The following SLX4IP variants were observed in gnomAD, a reference collection of about 807,000 sequenced individuals.
The protein encoded by SLX4IP is protein SLX4IP.
In SLX4IP, 34 loss-of-function variants were observed where a neutral mutation model predicts 32.9. The ratio of observed to expected loss-of-function variants is 1.03; its 90% CI spans 0.79 to 1.38. The LOEUF (loss-of-function observed/expected upper bound fraction) is 1.38, where lower values mean the gene tolerates loss of function less well. Among genes scored for constraint, SLX4IP ranks in the 40% most tolerant of loss-of-function variants. SLX4IP has a pLI of 0.00. For synonymous variants in SLX4IP, 172 were observed against 171.7 expected (o/e 1.00, Z -0.01); for missense variants, 444 against 479.0 (o/e 0.93, Z 0.68).
chr20:10,486,184 A>AT (rs34444606), intron 2 of SLX4IP, among the ~76,000 whole-genome samples: 81,549 of 144,774 alleles, frequency 0.56, 23,170 homozygotes, highest in East Asian at 0.71. Flanking sequence ...CCTTGCTTAA[A>AT]TTTTTTTTTT....
intron 1 of SLX4IP, among the ~76,000 whole-genome samples, chr20:10,456,128 A>G (rs1011985987): frequency 2.0e-5 from 3 of 152,164 alleles, no homozygotes; most frequent in Non-Finnish European, 2.9e-5. Context: ...GGCTATCTGT[A>G]TAAGGTATAT....
intron 6 of SLX4IP, chr20:10,614,253 A>G: frequency 1.6e-6 from 1 of 610,974 alleles, no homozygotes; most frequent in Non-Finnish European, 2.9e-6. Context: ...GAGAAAACAG[A>G]TCCAGCTCTC....
chr20:10,618,353 T>C (rs1245012786), intron 6 of SLX4IP, among the ~76,000 whole-genome samples: 1 of 152,236 alleles, frequency 6.6e-6, no homozygotes, highest in East Asian at 1.9e-4. Context: ...TGTACTGACA[T>C]TCTTTATAGA....
intron 2 of SLX4IP, among the ~76,000 whole-genome samples, chr20:10,511,056 T>A (rs2065803697): frequency 6.6e-6 from 1 of 152,258 alleles, no homozygotes. Flanking sequence ...AACCTGGCTT[T>A]GGTGCCGTGT....
intron 4 of SLX4IP, among the ~76,000 whole-genome samples, chr20:10,562,738 T>C (rs1396889950): frequency 6.6e-6 from 1 of 152,188 alleles, no homozygotes; most frequent in Admixed American, 6.5e-5. Flanking sequence ...ATTTTATTTA[T>C]TTATTTTTTT....
At chr20:10,485,865 T>C (rs187545092) in intron 2 of SLX4IP, among the ~76,000 whole-genome samples, 71 of 152,248 alleles carry the variant, frequency 4.7e-4, no homozygotes, top group African/African-American at 1.6e-3. Context: ...ATAGTTACTG[T>C]TTGTTAAATG....
chr20:10,567,084 A>G (rs969634289), intron 4 of SLX4IP, among the ~76,000 whole-genome samples: 2 of 152,148 alleles, frequency 1.3e-5, no homozygotes, highest in African/African-American at 4.8e-5. Flanking sequence ...GGGTAGGTTA[A>G]GTCTGTGTTG....
At chr20:10,618,460 A>AT (rs1173575459) in intron 6 of SLX4IP, among the ~76,000 whole-genome samples, 1 of 152,264 alleles carries the variant, frequency 6.6e-6, no homozygotes, top group Non-Finnish European at 1.5e-5. Flanking sequence ...GAAATGGAGT[A>AT]TACCAAGGAA....
At chr20:10,508,097 TG>T (rs1343602451) in intron 2 of SLX4IP, among the ~76,000 whole-genome samples, 1 of 152,142 alleles carries the variant, frequency 6.6e-6, no homozygotes, top group Non-Finnish European at 1.5e-5. Context: ...GGTTTGCATC[TG>T]GGGGAAGGGG....
At chr20:10,445,036 C>T (rs1046047416) in intron 1 of SLX4IP, among the ~76,000 whole-genome samples, 7 of 152,150 alleles carry the variant, frequency 4.6e-5, no homozygotes, top group Admixed American at 2.0e-4. Flanking sequence ...ACAGATTCTC[C>T]GTCAATTCTT....
Position 10,511,368 on chromosome 20 carries a change from C to CA in SLX4IP, c.28-44862dup, listed in dbSNP as rs368611618. ...TCTGAATCCTCCATGCCATGGGGCT[C>CA]ACACTGCCCTAGGGATACTGTCAGG... is the stretch of plus-strand genomic sequence containing the variant. On this transcript the variant is annotated intron_variant, in intron 2 of 7. Transcript: ENST00000334534. Among the ~76,000 whole-genome samples, 304 of 152,298 alleles carry CA rather than the reference C, an allele frequency of 2.0e-3. 1 individual carries two copies. The highest frequency in any genetic ancestry group is 6.9e-3 in the African/African-American group (286 of 41,572).
chr20:10,452,558 C>T (rs1208463155), intron 1 of SLX4IP, among the ~76,000 whole-genome samples: 2 of 150,672 alleles, frequency 1.3e-5, no homozygotes, highest in East Asian at 3.9e-4. Context: ...CCCGGCTACT[C>T]GGGAAGCTGA....
intron 2 of SLX4IP, among the ~76,000 whole-genome samples, chr20:10,555,892 G>C (rs2066261755): frequency 6.6e-6 from 1 of 152,214 alleles, no homozygotes; most frequent in African/African-American, 2.4e-5. Context: ...AGCCTACCTA[G>C]TACTGACCTA....
intron 2 of SLX4IP, among the ~76,000 whole-genome samples, chr20:10,460,763 C>T (rs942116181): frequency 6.6e-6 from 1 of 152,170 alleles, no homozygotes; most frequent in African/African-American, 2.4e-5. Flanking sequence ...TATTTTCTCA[C>T]AGGGATTGGG....
intron 4 of SLX4IP, among the ~76,000 whole-genome samples, chr20:10,593,077 G>T (rs751022734): frequency 2.0e-5 from 3 of 152,138 alleles, no homozygotes; most frequent in Admixed American, 2.0e-4. Flanking sequence ...CTTCAGACTG[G>T]AAACAGTCAC....
chr20:10,517,089 T>C (rs2065857397), intron 2 of SLX4IP, among the ~76,000 whole-genome samples: 1 of 152,232 alleles, frequency 6.6e-6, no homozygotes, highest in South Asian at 2.1e-4. Context: ...TGTCAAGCCC[T>C]TGCATATAAG....
chr20:10,486,709 G>A (rs1861579876), intron 2 of SLX4IP, among the ~76,000 whole-genome samples: 1 of 152,142 alleles, frequency 6.6e-6, no homozygotes. Context: ...AGAGTATATA[G>A]CCAGGATAGC....
chr20:10,443,942 C>T (rs1050957034), intron 1 of SLX4IP, among the ~76,000 whole-genome samples: 6 of 152,168 alleles, frequency 3.9e-5, no homozygotes, highest in African/African-American at 7.2e-5. Flanking sequence ...CCTGAGGCCT[C>T]CCCAGCCATG....
At chr20:10,576,150 G>A (rs2066520653) in intron 4 of SLX4IP, among the ~76,000 whole-genome samples, 1 of 151,988 alleles carries the variant, frequency 6.6e-6, no homozygotes, top group African/African-American at 2.4e-5. Context: ...GAAGTTTTAT[G>A]GTTACTAAAT....
Sources: gnomAD v4.1 joint callset for allele counts (sites outside exome capture counted in the v4.1 genomes callset) on GRCh38, gnomAD v4.1.1 for gene constraint, MANE v1.5 for transcripts, NCBI Gene and HGNC (gene_info 2026-07-23, HGNC 2026-07-21) for gene names.